The following FGF12 variants were observed in gnomAD, a reference collection of about 807,000 sequenced individuals.
The protein encoded by FGF12 is fibroblast growth factor 12, also known as fibroblast growth factor 12B.
FGF12 carries 14 observed loss-of-function variants against 23.6 expected under a neutral mutation model. That is an observed-to-expected ratio of 0.59 (90% CI 0.39 to 0.93). The LOEUF (loss-of-function observed/expected upper bound fraction) is 0.93, where lower values mean the gene tolerates loss of function less well. FGF12 is among the 40% of genes least tolerant of loss of function. The pLI is 0.00. For synonymous variants in FGF12, 62 were observed against 77.3 expected (o/e 0.80, Z 1.04); for missense variants, 175 against 217.8 (o/e 0.80, Z 1.24).
intron 4 of FGF12, among the ~76,000 whole-genome samples, chr3:192,192,087 A>G (rs949506751): frequency 6.6e-6 from 1 of 152,218 alleles, no homozygotes; most frequent in East Asian, 1.9e-4. Context: ...CTCTAGAGAA[A>G]TCATTCTTCA....
intron 2 of FGF12, among the ~76,000 whole-genome samples, chr3:192,476,173 T>C (rs1373858977): frequency 2.6e-5 from 4 of 152,294 alleles, no homozygotes; most frequent in Non-Finnish European, 5.9e-5. Flanking sequence ...GTGAGCTCTA[T>C]ATTTTAAAGG....
intron 2 of FGF12, among the ~76,000 whole-genome samples, chr3:192,510,390 T>G (rs997661211): frequency 2.6e-5 from 4 of 152,196 alleles, no homozygotes; most frequent in African/African-American, 4.8e-5. Context: ...CAATATCATA[T>G]GTCATCAGGG....
chr3:192,184,492 G>A (rs937904119), intron 4 of FGF12, among the ~76,000 whole-genome samples: 6 of 152,186 alleles, frequency 3.9e-5, no homozygotes, highest in African/African-American at 1.2e-4. Flanking sequence ...AAGCTTGACC[G>A]ATGGTCTGAA....
intron 4 of FGF12, among the ~76,000 whole-genome samples, chr3:192,183,823 G>A (rs1716309365): frequency 6.6e-6 from 1 of 152,180 alleles, no homozygotes; most frequent in South Asian, 2.1e-4. Flanking sequence ...AGCAGAATAA[G>A]GATTAGAACC....
chr3:192,552,535 C>A (rs928102717), intron 2 of FGF12, among the ~76,000 whole-genome samples: 3 of 143,298 alleles, frequency 2.1e-5, no homozygotes, highest in East Asian at 1.9e-4. Flanking sequence ...TAAAATGTAT[C>A]AAAAAAAACC....
At chr3:192,398,834 G>T (rs2108768484) in intron 2 of FGF12, among the ~76,000 whole-genome samples, 1 of 152,296 alleles carries the variant, frequency 6.6e-6, no homozygotes, top group East Asian at 1.9e-4. Flanking sequence ...CCCAGGCTTT[G>T]CAGGACCTCA....
intron 2 of FGF12, among the ~76,000 whole-genome samples, chr3:192,379,480 T>G (rs930927364): frequency 8.7e-5 from 13 of 149,962 alleles, no homozygotes; most frequent in Admixed American, 4.6e-4. Flanking sequence ...CTCTGTTATC[T>G]TCAACAATAA....
chr3:192,344,874 T>C (rs990860157), intron 3 of FGF12, among the ~76,000 whole-genome samples: 2 of 152,196 alleles, frequency 1.3e-5, no homozygotes, highest in African/African-American at 4.8e-5. Context: ...GGCATATCAC[T>C]ATTGATAATG....
chr3:192,305,674 A>AC (rs1560061677), intron 4 of FGF12, among the ~76,000 whole-genome samples: 2 of 125,990 alleles, frequency 1.6e-5, no homozygotes, highest in African/African-American at 6.8e-5. Context: ...AGGAAAAAAA[A>AC]AAAAAATATA....
At chr3:192,392,414 A>AAAATAAAAAAT (rs1553807204) in intron 2 of FGF12, among the ~76,000 whole-genome samples, 3 of 143,644 alleles carry the variant, frequency 2.1e-5, no homozygotes, top group African/African-American at 5.1e-5. Flanking sequence ...CTAAAAATAA[A>AAAATAAAAAAT]AAATAAATAA....
At chr3:192,379,514 T>C (rs1287020546) in intron 2 of FGF12, among the ~76,000 whole-genome samples, 2 of 151,364 alleles carry the variant, frequency 1.3e-5, no homozygotes, top group Non-Finnish European at 2.9e-5. Flanking sequence ...TATAAAGACA[T>C]GAGGGACACT....
intron 4 of FGF12, among the ~76,000 whole-genome samples, chr3:192,261,343 C>T (rs967873618): frequency 6.6e-6 from 1 of 152,184 alleles, no homozygotes; most frequent in Non-Finnish European, 1.5e-5. Flanking sequence ...CTACACATCA[C>T]TTTGGTCCTG....
intron 2 of FGF12, among the ~76,000 whole-genome samples, chr3:192,438,371 T>C (rs1335590548): frequency 2.0e-5 from 3 of 152,216 alleles, no homozygotes; most frequent in Non-Finnish European, 4.4e-5. Context: ...CTTGCACTTA[T>C]CATCTTTTAA....
intron 4 of FGF12, among the ~76,000 whole-genome samples, chr3:192,279,121 T>C (rs150497055): frequency 3.9e-4 from 60 of 152,102 alleles, no homozygotes; most frequent in African/African-American, 1.4e-3. Flanking sequence ...GTTTCATCCA[T>C]GGACATGGGA....
At chr3:192,667,643 T>A (rs999780530) in intron 2 of FGF12, among the ~76,000 whole-genome samples, 1 of 146,986 alleles carries the variant, frequency 6.8e-6, no homozygotes, top group Non-Finnish European at 1.5e-5. Flanking sequence ...AGTAGGAGAT[T>A]ACTATGCAAA....
intron 4 of FGF12, among the ~76,000 whole-genome samples, chr3:192,314,298 CAA>C (rs1374818117): frequency 1.3e-5 from 2 of 149,980 alleles, no homozygotes; most frequent in African/African-American, 4.9e-5. Context: ...AAAAAAAAAA[CAA>C]AATAAAAGCT....
rs186026944 is a variant in FGF12, at chr3:192,518,978, A to G, written c.14-158440T>C. The stretch of plus-strand genomic sequence containing the variant: ...TTATTTTCCAAACTTTTTTATCATA[A>G]GTTTCCACTTATGCAAATGTTATAA... On this transcript the variant is annotated intron_variant, in intron 2 of 5. Coordinates refer to ENST00000445105, the MANE Select transcript of FGF12 (RefSeq NM_004113.6). 3.3e-5 allele frequency among the ~76,000 whole-genome samples: 5 copies of G among 151,582 alleles called. No homozygotes were observed. The East Asian group carries it at 7.8e-4, about 24-fold the overall frequency.
chr3:192,197,250 A>C (rs1200383458), intron 4 of FGF12, among the ~76,000 whole-genome samples: 1 of 152,044 alleles, frequency 6.6e-6, no homozygotes, highest in Non-Finnish European at 1.5e-5. Context: ...GCCTACATGA[A>C]ACTCTATAGA....
In FGF12 at chr3:192,451,196, A is replaced by G. The variant is rs75113673; in HGVS notation, c.14-90658T>C. Among the ~76,000 whole-genome samples the G allele has an allele frequency of 8.8e-3, 1,348 of 152,330 alleles. 18 individuals are homozygous for G. Among genetic ancestry groups the G allele is most frequent in the African/African-American group, 0.03 (1,237 of 41,580 alleles). On this transcript the variant is annotated intron_variant, in intron 2 of 5. Coordinates refer to ENST00000445105, the MANE Select transcript of FGF12 (RefSeq NM_004113.6). ...ATGGTTTCTGCATTGACAGTGCCCAATGATAGATATTTATCACTTCATAAC... is the reference window on the plus strand; with the variant it reads ...ATGGTTTCTGCATTGACAGTGCCCAGTGATAGATATTTATCACTTCATAAC...
Sources: gnomAD v4.1 joint callset for allele counts (sites outside exome capture counted in the v4.1 genomes callset) on GRCh38, gnomAD v4.1.1 for gene constraint, MANE v1.5 for transcripts, NCBI Gene and HGNC (gene_info 2026-07-23, HGNC 2026-07-21) for gene names.